Variants in BSN observed in about 807,000 individuals in gnomAD.
The protein encoded by BSN is bassoon presynaptic cytomatrix protein, also known as protein bassoon.
BSN carries 57 observed loss-of-function variants against 264.8 expected under a neutral mutation model. That is an observed-to-expected ratio of 0.22 (90% CI 0.17 to 0.27). BSN has a LOEUF of 0.27. Among genes scored for constraint, BSN ranks in the 10% least tolerant of loss-of-function variants. The pLI is 1.00. For synonymous variants in BSN, 2,059 were observed against 2,137.3 expected (o/e 0.96, Z 1.01); for missense variants, 4,615 against 5,232.5 (o/e 0.88, Z 3.64).
chr3:49,601,961 C>T (rs2052075915), intron 1 of BSN, among the ~76,000 whole-genome samples: 1 of 152,182 alleles, frequency 6.6e-6, no homozygotes, highest in Non-Finnish European at 1.5e-5. Flanking sequence ...GTTCCCTGAG[C>T]TCACCATCAC....
Position 49,664,515 on chromosome 3 carries a change from C to G in BSN, c.11701C>G (p.Pro3901Ala). The change falls in exon 9 of 12, where the codon CCT becomes GCT. Residue 3901 changes from proline (P) to alanine (A), a missense_variant. Pro to Ala is a conservative substitution (Grantham distance 27). Transcript: ENST00000296452. ...DGESVFSKIL[P>A]GGAAEQAGKL... ...GGAGAGCGTGTTCTCCAAGATCCTC[C>G]CTGGCGGGGCAGCCGAGCAAGCTGG... 1 of 1,611,430 alleles carries G rather than the reference C, an allele frequency of 6.2e-7. No individual in the cohort carries two copies. Among genetic ancestry groups the G allele is most frequent in the Non-Finnish European group, 8.5e-7 (1 of 1,178,866 alleles).
chr3:49,606,182 T>TATATAATATATAC (rs2052141418), intron 1 of BSN, among the ~76,000 whole-genome samples: 2 of 4,558 alleles, frequency 4.4e-4, no homozygotes, highest in Non-Finnish European at 3.9e-4. Flanking sequence ...TATATATGTA[T>TATATAATATATAC]ATATATTATA....
chr3:49,617,975 G>C (rs2052274639), intron 1 of BSN, among the ~76,000 whole-genome samples: 1 of 152,140 alleles, frequency 6.6e-6, no homozygotes. Context: ...GGGCATTGTT[G>C]AGTGCTCCTC....
At chr3:49,665,734 C>T (rs1160973002) in intron 11 of BSN, among the ~76,000 whole-genome samples, 1 of 152,236 alleles carries the variant, frequency 6.6e-6, no homozygotes, top group Non-Finnish European at 1.5e-5. Flanking sequence ...ACATCTGCAG[C>T]TCTGGGAATG....
intron 1 of BSN, among the ~76,000 whole-genome samples, chr3:49,596,877 A>T (rs573171361): frequency 6.6e-6 from 1 of 152,106 alleles, no homozygotes; most frequent in Non-Finnish European, 1.5e-5. Flanking sequence ...AGCTTTTGTC[A>T]AATACTTTTT....
chr3:49,593,921 G>C (rs554207349), intron 1 of BSN, among the ~76,000 whole-genome samples: 1 of 150,574 alleles, frequency 6.6e-6, no homozygotes, highest in South Asian at 2.1e-4. Context: ...TCTTGCCTCA[G>C]CCTCCTGAGT....
rs1014769879 is a variant in BSN at position 49,585,640 on chromosome 3, G to A, written c.224+30814G>A. Among the ~76,000 whole-genome samples, 2 of 152,212 alleles carry A rather than the reference G, an allele frequency of 1.3e-5. No individual in the cohort carries two copies. The highest frequency in any genetic ancestry group is 4.1e-4 in the South Asian group (2 of 4,838). On this transcript the variant is annotated intron_variant, in intron 1 of 11. Transcript: ENST00000296452. The surrounding 1 kb of genome is among the most constrained non-coding windows in gnomAD (Gnocchi z 4.7). ...TTCTTCAGCCGCCCCTGGGCGCTGCGTCTAACCCCAATTTTTAGTTTTTTG... is the reference window on the plus strand; with the variant it reads ...TTCTTCAGCCGCCCCTGGGCGCTGCATCTAACCCCAATTTTTAGTTTTTTG...
intron 1 of BSN, among the ~76,000 whole-genome samples, chr3:49,602,482 G>C (rs1332947060): frequency 7.0e-6 from 1 of 142,932 alleles, no homozygotes; most frequent in African/African-American, 2.6e-5. Flanking sequence ...GTCTCACTCT[G>C]TCTCCCAGGC....
chr3:49,598,696 C>T (rs1332319229), intron 1 of BSN, among the ~76,000 whole-genome samples: 2 of 152,154 alleles, frequency 1.3e-5, no homozygotes, highest in Non-Finnish European at 2.9e-5. Context: ...CATGAGCCAC[C>T]GTGCCCGGCC....
At chr3:49,647,822 C>T (rs777272243) in intron 3 of BSN, among the ~76,000 whole-genome samples, 1 of 152,198 alleles carries the variant, frequency 6.6e-6, no homozygotes, top group East Asian at 1.9e-4. Context: ...TGGGCCAGGT[C>T]TCCCCTGGCT....
rs143857742 is a variant in BSN at position 49,639,018 on chromosome 3, C to T, written c.634-3250C>T. 2.6e-5 allele frequency among the ~76,000 whole-genome samples: 4 copies of T among 152,220 alleles called. No homozygotes were observed. In the East Asian group the frequency reaches 7.8e-4, roughly 30 times the overall value. On this transcript the variant is annotated intron_variant, in intron 2 of 11. Coordinates refer to ENST00000296452, the MANE Select transcript of BSN (RefSeq NM_003458.4). ...AGTAATCCCCTTCCAGGGTCCCTCTCTGGATGAGTAGAAATGGCCTGCTCT... is the reference window on the plus strand; with the variant it reads ...AGTAATCCCCTTCCAGGGTCCCTCTTTGGATGAGTAGAAATGGCCTGCTCT...
At chr3:49,639,425 C>G (rs2052444054) in intron 2 of BSN, among the ~76,000 whole-genome samples, 1 of 152,108 alleles carries the variant, frequency 6.6e-6, no homozygotes, top group Non-Finnish European at 1.5e-5. Context: ...GTCTCGATCT[C>G]CTGACCTCAT....
rs974314601 is a variant in BSN, at chr3:49,576,711, T to G, written c.224+21885T>G. 3.9e-5 allele frequency among the ~76,000 whole-genome samples: 6 copies of G among 152,342 alleles called. No homozygotes were observed. The South Asian group carries it at 1.2e-3, about 32-fold the overall frequency. On this transcript the variant is annotated intron_variant, in intron 1 of 11. Coordinates refer to ENST00000296452, the MANE Select transcript of BSN (RefSeq NM_003458.4). ...TGCTGGGATTACAGGCGTGAGCCAC[T>G]GAGCATGGCCTCACTTTCTTTATTC...
Position 49,653,523 on chromosome 3 carries a change from T to C in BSN, c.3967T>C (p.Phe1323Leu). ...SPTQLAAPVS[F>L]STPTSSDSSG... ...CACCCAGCTCGCTGCCCCTGTGTCCTTCTCTACCCCCACCTCCTCAGACAG... is the reference window on the plus strand; with the variant it reads ...CACCCAGCTCGCTGCCCCTGTGTCCCTCTCTACCCCCACCTCCTCAGACAG... Residue 1323 changes from phenylalanine (F) to leucine (L), a missense_variant, in exon 5 of 12, where the codon TTC (phenylalanine) becomes CTC (leucine). By Grantham distance (22) the Phe-to-Leu change is conservative. Coordinates refer to ENST00000296452, the MANE Select transcript of BSN (RefSeq NM_003458.4). The surrounding 1 kb of genome is among the most constrained non-coding windows in gnomAD (Gnocchi z 6.3). 2 of 1,613,948 alleles carry C rather than the reference T, an allele frequency of 1.2e-6. No homozygotes were observed. The highest frequency in any genetic ancestry group is 2.7e-5 in the African/African-American group (2 of 75,004).
chr3:49,606,147 ATGT>A (rs2052139406), intron 1 of BSN, among the ~76,000 whole-genome samples: 1 of 56,644 alleles, frequency 1.8e-5, no homozygotes, highest in Non-Finnish European at 3.0e-5. Flanking sequence ...TATATTATAT[ATGT>A]ATATATTATA....
chr3:49,651,573 G>T lies in BSN; in HGVS notation c.2017G>T (p.Ala673Ser). ...GGTGGGCAAGCCTTACTCTCAGGATGCGTCTCGGAGCCCACAGAGCCTCAG... is the reference window on the plus strand; with the variant it reads ...GGTGGGCAAGCCTTACTCTCAGGATTCGTCTCGGAGCCCACAGAGCCTCAG... The part of the protein sequence containing the change: ...DLVGKPYSQD[A>S]SRSPQSLSDT... Residue 673 changes from alanine (A) to serine (S), a missense_variant, in exon 5 of 12, where the codon GCG (alanine) becomes TCG (serine). This residue lies in a region of BSN where 1,197 missense variants were observed against 1,348.0 expected (regional missense o/e 0.89). Coordinates refer to ENST00000296452, the MANE Select transcript of BSN (RefSeq NM_003458.4). The surrounding 1 kb of genome is among the most constrained non-coding windows in gnomAD (Gnocchi z 5.4). The T allele has an allele frequency of 6.3e-7, 1 of 1,595,668 alleles. No individual in the cohort carries two copies. Among genetic ancestry groups the T allele is most frequent in the Non-Finnish European group, 8.6e-7 (1 of 1,169,236 alleles).
Position 49,656,816 on chromosome 3 carries a change from G to A in BSN, c.7260G>A (p.Gln2420=). The A allele has an allele frequency of 1.9e-6, 3 of 1,596,444 alleles. No individual in the cohort carries two copies. In the African/African-American group the frequency reaches 4.0e-5, roughly 21 times the overall value. Residue 2420 remains glutamine (Q), a synonymous_variant, in exon 5 of 12, where the codon CAG becomes CAA. Coordinates refer to ENST00000296452, the MANE Select transcript of BSN (RefSeq NM_003458.4). ...LLVQRELQEL[Q]TIKHHVLQQQ... Reference sequence around the variant, plus strand: ...TGCAGCGGGAGTTGCAGGAGCTGCAGACCATCAAGCACCATGTGCTGCAGC... The same window carrying A: ...TGCAGCGGGAGTTGCAGGAGCTGCAAACCATCAAGCACCATGTGCTGCAGC...
At chr3:49,632,801 T>G (rs1253893311) in intron 2 of BSN, among the ~76,000 whole-genome samples, 14 of 149,164 alleles carry the variant, frequency 9.4e-5, no homozygotes, top group African/African-American at 2.2e-4. Flanking sequence ...AAAAAAAAAG[T>G]GGGGGGGAGC....
Position 49,653,984 on chromosome 3 carries a change from C to T in BSN, c.4428C>T (p.Ser1476=), listed in dbSNP as rs776322141. Residue 1476 remains serine, a synonymous_variant, in exon 5 of 12, where the codon TCC becomes TCT. Coordinates refer to ENST00000296452, the MANE Select transcript of BSN (RefSeq NM_003458.4). The surrounding 1 kb of genome is among the most constrained non-coding windows in gnomAD (Gnocchi z 6.3). ...GGGCATATTCCTACTTTGCAAGCTCCAGCCCACCTCTCTCCCCGTCTTCCC... is the reference window on the plus strand; with the variant it reads ...GGGCATATTCCTACTTTGCAAGCTCTAGCCCACCTCTCTCCCCGTCTTCCC... The part of the protein sequence containing the change: ...PSRAYSYFAS[S]SPPLSPSSPS... 1.5e-5 allele frequency: 24 copies of T among 1,613,916 alleles called. No homozygotes were observed. The highest frequency in any genetic ancestry group is 1.9e-5 in the Non-Finnish European group (23 of 1,180,024).
Sources: allele counts gnomAD v4.1 joint callset (sites outside exome capture counted in the v4.1 genomes callset), GRCh38; gene constraint gnomAD v4.1.1; regional missense constraint gnomAD v4.1.1; non-coding constraint Gnocchi (gnomAD v3.1); transcripts MANE v1.5; gene names NCBI Gene and HGNC (gene_info 2026-07-23, HGNC 2026-07-21).